SPATC1: variants seen among roughly 807,000 people sequenced by gnomAD.
SPATC1 encodes speriolin.
SPATC1 carries 35 observed loss-of-function variants against 36.5 expected under a neutral mutation model. The ratio of observed to expected loss-of-function variants is 0.96; its 90% confidence interval spans 0.73 to 1.27. SPATC1 has a LOEUF of 1.27. Among genes scored for constraint, SPATC1 ranks in the 50% most tolerant of loss-of-function variants. The probability of loss-of-function intolerance (pLI) is 0.00; values close to 1 mark genes in which losing one functional copy is unlikely to be tolerated. For missense variants in SPATC1, 779 were observed against 796.0 expected (o/e 0.98, Z 0.26); for synonymous variants, 361 against 353.6 (o/e 1.02, Z -0.24).
chr8:144,030,284 C>T (rs1834768174), intron 1 of SPATC1, among the ~76,000 whole-genome samples: 1 of 152,114 alleles, frequency 6.6e-6, no homozygotes, highest in African/African-American at 2.4e-5. Context: ...TACCTTTTGA[C>T]TGCCTATTTT....
chr8:144,012,559 A>G lies in SPATC1; in HGVS notation c.44A>G (p.Glu15Gly). The part of the protein sequence containing the change: ...TNYEGLRHQI[E>G]RLVRENEELK... ...TATGAAGGGCTTCGGCATCAGATAG[A>G]GAGGCTGGTGCGGGAAAATGAGGAA... Residue 15 changes from glutamate (E) to glycine (G), a missense_variant, in exon 1 of 5, where the codon GAG becomes GGG. Coordinates refer to ENST00000377470, the MANE Select transcript of SPATC1 (RefSeq NM_198572.3). The G allele has an allele frequency of 6.4e-7, 1 of 1,551,738 alleles. No individual in the cohort carries two copies. The highest frequency in any genetic ancestry group is 8.7e-7 in the Non-Finnish European group (1 of 1,147,006).
chr8:144,039,677 G>A (rs1277917812), intron 1 of SPATC1, among the ~76,000 whole-genome samples: 1 of 152,182 alleles, frequency 6.6e-6, no homozygotes, highest in African/African-American at 2.4e-5. Flanking sequence ...GAGGCCTTGG[G>A]GAGCCACTCC....
At chr8:144,034,463 T>C (rs1834858961) in intron 1 of SPATC1, among the ~76,000 whole-genome samples, 1 of 151,802 alleles carries the variant, frequency 6.6e-6, no homozygotes. Context: ...TTAAAATACA[T>C]ACTCATATTG....
At chr8:144,036,178 G>A (rs1834894703) in intron 1 of SPATC1, among the ~76,000 whole-genome samples, 1 of 152,184 alleles carries the variant, frequency 6.6e-6, no homozygotes, top group Non-Finnish European at 1.5e-5. Context: ...AGGAAGCTGA[G>A]GCAGGAGGAT....
At chr8:144,020,064 C>G (rs1000929017) in intron 1 of SPATC1, among the ~76,000 whole-genome samples, 39,344 of 151,748 alleles carry the variant, frequency 0.26, 5,346 homozygotes, top group South Asian at 0.34. Flanking sequence ...CCCACAGATG[C>G]ATCCGGCCCC....
intron 1 of SPATC1, among the ~76,000 whole-genome samples, chr8:144,018,973 C>T (rs1834448107): frequency 7.3e-6 from 1 of 137,072 alleles, no homozygotes; most frequent in Admixed American, 8.3e-5. Flanking sequence ...ACCCGGGAGG[C>T]AGAGCTTGCA....
rs920467982 is a variant in SPATC1 at position 144,046,205 on chromosome 8, G to A, written c.1447-422G>A. On this transcript the variant is annotated intron_variant, in intron 4 of 4. Coordinates refer to ENST00000377470, the MANE Select transcript of SPATC1 (RefSeq NM_198572.3). This position sits in a 1 kb window ranked among gnomAD's most constrained non-coding sequence, Gnocchi z 6.6. ...CAGACGCTGAAAGGGAGCAGAGCAC[G>A]GAGCCAGGAGGAGGCCTGGGAAAGA... Among the ~76,000 whole-genome samples the A allele has an allele frequency of 5.9e-5, 9 of 152,108 alleles. No individual in the cohort carries two copies. Among genetic ancestry groups the A allele is most frequent in the African/African-American group, 2.2e-4 (9 of 41,404 alleles).
chr8:144,020,756 T>C (rs1209493092), intron 1 of SPATC1, among the ~76,000 whole-genome samples: 3 of 78,456 alleles, frequency 3.8e-5, no homozygotes, highest in Non-Finnish European at 7.9e-5. Flanking sequence ...CAGGACCTGA[T>C]GCCCTTAGGA....
At chr8:144,042,570 C>A (rs1835144897) in intron 4 of SPATC1, among the ~76,000 whole-genome samples, 2 of 151,908 alleles carry the variant, frequency 1.3e-5, no homozygotes, top group South Asian at 4.1e-4. Context: ...GATCCGTCCG[C>A]CTCAGCCTCC....
chr8:144,040,518 A>G (rs782779481), intron 2 of SPATC1, 50 bp from the exon 3 acceptor site: 2 of 1,559,288 alleles, frequency 1.3e-6, no homozygotes, highest in South Asian at 2.4e-5. Context: ...GAGCCCTCCC[A>G]CCTCACTCTA....
At chr8:144,021,271 C>CCCACCTCAGGCCCCT (rs1834526041) in intron 1 of SPATC1, among the ~76,000 whole-genome samples, 6 of 16,860 alleles carry the variant, frequency 3.6e-4, no homozygotes, top group East Asian at 1.9e-3. Context: ...TTCAGGACCC[C>CCCACCTCAGGCCCCT]CTTCCCTCAG....
Position 144,040,901 on chromosome 8 carries a change from G to C in SPATC1, c.1100G>C (p.Arg367Pro). The C allele has an allele frequency of 1.3e-6, 2 of 1,529,364 alleles. No individual in the cohort carries two copies. The highest frequency in any genetic ancestry group is 1.8e-6 in the Non-Finnish European group (2 of 1,134,750). The allele number at this position is 1,529,364 out of a possible 1,614,324, so 94.7% of individuals were successfully genotyped here. A position where few individuals can be genotyped will look rare whatever the true frequency, so the allele number is the denominator to read the frequency against. ...IAQGAPHPPS[R>P]MHNSPTQNLP... is the part of the protein sequence containing the mutation. Reference sequence around the variant, plus strand: ...CAGGGTGCCCCCCATCCCCCTTCCCGAATGCATAATTCCCCAACCCAGAAC... The same window carrying C: ...CAGGGTGCCCCCCATCCCCCTTCCCCAATGCATAATTCCCCAACCCAGAAC... The change falls in exon 3 of 5, where the codon CGA becomes CCA. Residue 367 changes from arginine to proline, a missense_variant. Transcript: ENST00000377470.
chr8:144,042,284 A>AATATATATATATATATATATATAT (rs1554756220), intron 4 of SPATC1, among the ~76,000 whole-genome samples: 1 of 36,300 alleles, frequency 2.8e-5, no homozygotes, highest in Admixed American at 4.1e-4. Context: ...ACGCCCAGCT[A>AATATATATATATATATATATATAT]ATATATATAT....
In SPATC1 at chr8:144,016,444, T is replaced by G. The variant is rs1834395417; in HGVS notation, c.211+3718T>G. On this transcript the variant is annotated intron_variant, in intron 1 of 4. Transcript: ENST00000377470. The surrounding 1 kb of genome is among the most constrained non-coding windows in gnomAD (Gnocchi z 4.5). Reference sequence around the variant, plus strand: ...GTTTGTATTTTGGCGTATGTCTGATTGTGTGAGTGTATATGGTGTGTGTGT... The same window carrying G: ...GTTTGTATTTTGGCGTATGTCTGATGGTGTGAGTGTATATGGTGTGTGTGT... 6.6e-6 allele frequency among the ~76,000 whole-genome samples: 1 copy of G among 151,810 alleles called. No individual in the cohort carries two copies. Among genetic ancestry groups the G allele is most frequent in the African/African-American group, 2.4e-5 (1 of 41,282 alleles).
In SPATC1 at chr8:144,040,931, C is replaced by A; in HGVS notation, c.1130C>A (p.Pro377His). The A allele has an allele frequency of 6.3e-7, 1 of 1,597,952 alleles. No individual in the cohort carries two copies. Among genetic ancestry groups the A allele is most frequent in the Non-Finnish European group, 8.5e-7 (1 of 1,172,174 alleles). ...RMHNSPTQNLPVPHCPPHNAH... is the reference protein window; with the variant it reads ...RMHNSPTQNLHVPHCPPHNAH... ...CATAATTCCCCAACCCAGAACCTGC[C>A]TGTCCCCCACTGTCCTCCACACAAC... The change falls in exon 3 of 5, where the codon CCT becomes CAT. Residue 377 changes from proline to histidine, a missense_variant. Transcript: ENST00000377470.
intron 1 of SPATC1, 49 bp downstream of exon 1, chr8:144,012,775 C>G (rs1554752657): frequency 6.5e-7 from 1 of 1,538,280 alleles, no homozygotes; most frequent in South Asian, 1.2e-5. Flanking sequence ...GGGGACTGCA[C>G]CAGAGAGGAG....
At position 144,015,740 on chromosome 8, in the gene SPATC1, CA is replaced by C. The variant is rs374846456; in HGVS notation, c.211+3031del. 5.2e-3 allele frequency among the ~76,000 whole-genome samples: 421 copies of C among 81,416 alleles called. 2 individuals are homozygous for C. Among genetic ancestry groups the C allele is most frequent in the Middle Eastern group, 0.014 (2 of 142 alleles). 53.4% of individuals were successfully genotyped at this position (81,416 alleles called of 152,430 possible). A position where few individuals can be genotyped will look rare whatever the true frequency, so the allele number is the denominator to read the frequency against. On this transcript the variant is annotated intron_variant, in intron 1 of 4. Coordinates refer to ENST00000377470, the MANE Select transcript of SPATC1 (RefSeq NM_198572.3). ...TGGGCGACTGAGTGAGACTCTGTCT[CA>C]AAAAAAAAAAAAAAAAGAAAAGAAA...
Position 144,046,829 on chromosome 8 carries a change from C to A in SPATC1, c.1649C>A (p.Thr550Asn), listed in dbSNP as rs782084775. ...GCGGCGTCTGAGGGCGGCCCCTACA[C>A]CGTGGACTTCCTGCAGCGTGTGGTG... ...ELAASEGGPY[T>N]VDFLQRVVVE... Residue 550 changes from threonine (T) to asparagine (N), a missense_variant, in exon 5 of 5, where the codon ACC becomes AAC. Physicochemically the swap from Thr to Asn is moderately conservative, Grantham distance 65. Coordinates refer to ENST00000377470, the MANE Select transcript of SPATC1 (RefSeq NM_198572.3). This position sits in a 1 kb window ranked among gnomAD's most constrained non-coding sequence, Gnocchi z 6.6. The A allele has an allele frequency of 1.2e-6, 2 of 1,603,542 alleles. No individual in the cohort carries two copies. The highest frequency in any genetic ancestry group is 1.7e-6 in the Non-Finnish European group (2 of 1,179,906).
intron 1 of SPATC1, among the ~76,000 whole-genome samples, chr8:144,019,497 C>A (rs924187032): frequency 3.9e-5 from 6 of 152,176 alleles, no homozygotes; most frequent in Admixed American, 1.3e-4. Flanking sequence ...ACAGAACAGG[C>A]GCCAAGAGCT....
Sources: allele counts gnomAD v4.1 joint callset (sites outside exome capture counted in the v4.1 genomes callset), GRCh38; gene constraint gnomAD v4.1.1; non-coding constraint Gnocchi (gnomAD v3.1); transcripts MANE v1.5; gene names NCBI Gene and HGNC (gene_info 2026-07-23, HGNC 2026-07-21).